Variants in ZNF536 observed in about 807,000 individuals in gnomAD.
ZNF536 encodes zinc finger protein 536.
In ZNF536, 13 loss-of-function variants were observed where a neutral mutation model predicts 84.5. That is an observed-to-expected ratio of 0.15 (90% CI 0.10 to 0.24). ZNF536 has a LOEUF of 0.24. Ranked by LOEUF, ZNF536 falls within the 10% of genes least tolerant of loss-of-function variation. The probability of loss-of-function intolerance (pLI) is 1.00; values close to 1 mark genes in which losing one functional copy is unlikely to be tolerated. For missense variants in ZNF536, 1,536 were observed against 1,747.5 expected, an observed-to-expected ratio of 0.88 and a Z score of 2.16; for synonymous variants, 811 against 742.5, an observed-to-expected ratio of 1.09 and a Z score of -1.50.
chr19:30,539,863 C>T (rs2045260110), intron 3 of ZNF536, among the ~76,000 whole-genome samples: 1 of 152,204 alleles, frequency 6.6e-6, no homozygotes, highest in Non-Finnish European at 1.5e-5. Context: ...TACCGAGGCT[C>T]TCCCATGTGT....
intron 1 of ZNF536, among the ~76,000 whole-genome samples, chr19:30,648,913 A>C (rs2049581058): frequency 6.6e-6 from 1 of 152,220 alleles, no homozygotes; most frequent in Non-Finnish European, 1.5e-5. Flanking sequence ...GCTGATGATA[A>C]ACGGGTGGGC....
chr19:30,560,522 AC>A (rs1336984256), downstream of ZNF536, among the ~76,000 whole-genome samples: 1 of 152,126 alleles, frequency 6.6e-6, no homozygotes, highest in Non-Finnish European at 1.5e-5. Flanking sequence ...CATTGGATCT[AC>A]CCTCAGCCTG....
At chr19:30,668,923 A>G (rs1448301632) in intron 1 of ZNF536, among the ~76,000 whole-genome samples, 1 of 152,200 alleles carries the variant, frequency 6.6e-6, no homozygotes, top group African/African-American at 2.4e-5. Flanking sequence ...CAGAAGAAGG[A>G]GCCAGAGGTT....
chr19:30,446,451 G>T (rs1258859201), intron 2 of ZNF536, among the ~76,000 whole-genome samples: 1 of 151,890 alleles, frequency 6.6e-6, no homozygotes, highest in African/African-American at 2.4e-5. Flanking sequence ...CTATCCCTGG[G>T]TATGAATGTG....
chr19:30,701,459 A>G (rs1464630149), intron 1 of ZNF536, among the ~76,000 whole-genome samples: 1 of 151,836 alleles, frequency 6.6e-6, no homozygotes, highest in Non-Finnish European at 1.5e-5. Flanking sequence ...AGAAACACAA[A>G]CACACAAACA....
intron 1 of ZNF536, among the ~76,000 whole-genome samples, chr19:30,248,048 C>T (rs2024379867): frequency 6.6e-6 from 1 of 152,106 alleles, no homozygotes; most frequent in African/African-American, 2.4e-5. Context: ...TGGCCCTGTT[C>T]ACAAAAGAGC....
rs149916390 is a variant in ZNF536 at position 30,242,987 on chromosome 19, A to G, written c.-190+14314A>G. On this transcript the variant is annotated intron_variant, in intron 1 of 5. Transcript: ENST00000585628. ...CCAAAGAGTCCTGCATACATATCGTATTTCACATCATCGTAACTTAGATGC... is the reference window on the plus strand; with the variant it reads ...CCAAAGAGTCCTGCATACATATCGTGTTTCACATCATCGTAACTTAGATGC... Among the ~76,000 whole-genome samples the G allele has an allele frequency of 2.8e-3, 423 of 152,288 alleles. 4 individuals carry two copies. The highest frequency in any genetic ancestry group is 9.6e-3 in the African/African-American group (399 of 41,550).
intron 1 of ZNF536, among the ~76,000 whole-genome samples, chr19:30,407,861 ATACAGATGGTT>A (rs2050326139): frequency 6.6e-6 from 1 of 152,184 alleles, no homozygotes; most frequent in South Asian, 2.1e-4. Context: ...GTGGGTGGAA[ATACAGATGGTT>A]TCCAATTTTC....
chr19:30,258,719 T>TTATC (rs141047350), intron 1 of ZNF536, among the ~76,000 whole-genome samples: 3 of 151,368 alleles, frequency 2.0e-5, no homozygotes, highest in Admixed American at 6.6e-5. Context: ...ATTTATTTAT[T>TTATC]TATTTATTTA....
At chr19:30,395,286 G>A (rs1248119364) in intron 1 of ZNF536, among the ~76,000 whole-genome samples, 1 of 152,178 alleles carries the variant, frequency 6.6e-6, no homozygotes, top group Non-Finnish European at 1.5e-5. Flanking sequence ...CCATAAAGGG[G>A]ATGTCCAATA....
At chr19:30,704,087 G>C (rs2052115032) in intron 1 of ZNF536, among the ~76,000 whole-genome samples, 1 of 152,182 alleles carries the variant, frequency 6.6e-6, no homozygotes, top group Non-Finnish European at 1.5e-5. Context: ...GGCCATCCTG[G>C]AGTGTGGTGC....
rs2045639867 is a variant in ZNF536 at position 30,548,426 on chromosome 19, T to G, written c.2807T>G (p.Met936Arg). The G allele has an allele frequency of 6.2e-7, 1 of 1,614,066 alleles. No homozygotes were observed. The highest frequency in any genetic ancestry group is 8.5e-7 in the Non-Finnish European group (1 of 1,180,032). The change falls in exon 4 of 5, where the codon ATG (methionine) becomes AGG (arginine). Residue 936 changes from methionine to arginine, a missense_variant. Met to Arg is a moderately conservative substitution (Grantham distance 91, BLOSUM62 -1). Around this residue, in one of 8 missense-constraint regions of ZNF536, gnomAD observed 624 missense variants for 603.1 expected, o/e 1.03. Transcript: ENST00000355537. ...VLSSLKKEKDMKDKALADPPS... is the reference protein window; with the variant it reads ...VLSSLKKEKDRKDKALADPPS... Reference sequence around the variant, plus strand: ...AGTTCCTTGAAGAAGGAGAAGGACATGAAGGACAAAGCCCTGGCTGACCCC... The same window carrying G: ...AGTTCCTTGAAGAAGGAGAAGGACAGGAAGGACAAAGCCCTGGCTGACCCC...
chr19:30,627,115 C>A (rs973388119), intron 1 of ZNF536, among the ~76,000 whole-genome samples: 1 of 152,108 alleles, frequency 6.6e-6, no homozygotes, highest in African/African-American at 2.4e-5. Context: ...CCTCTGCTAT[C>A]TGCCTCCCTG....
intron 1 of ZNF536, among the ~76,000 whole-genome samples, chr19:30,387,378 G>A (rs2049386419): frequency 6.6e-6 from 1 of 152,216 alleles, no homozygotes; most frequent in South Asian, 2.1e-4. Context: ...TGTGGGCTGG[G>A]CCCCAAAGAC....
intron 2 of ZNF536, among the ~76,000 whole-genome samples, chr19:30,494,287 C>T (rs1355365463): frequency 1.3e-5 from 2 of 152,190 alleles, no homozygotes; most frequent in African/African-American, 4.8e-5. Flanking sequence ...CAGCTAAGGT[C>T]AGTGTCCCGA....
intron 1 of ZNF536, among the ~76,000 whole-genome samples, chr19:30,376,034 G>A (rs147972144): frequency 2.5e-4 from 38 of 152,112 alleles, no homozygotes; most frequent in Non-Finnish European, 4.1e-4. Context: ...ATGAGTGTGC[G>A]CGGGTGCCCA....
chr19:30,585,549 A>G (rs560909605), intron 1 of ZNF536, among the ~76,000 whole-genome samples: 43 of 152,276 alleles, frequency 2.8e-4, no homozygotes, highest in Middle Eastern at 3.4e-3. Context: ...CTGGGCACTG[A>G]GAAAGTGGTT....
At chr19:30,226,763 G>T (rs573457153), upstream of ZNF536, among the ~76,000 whole-genome samples, 1 of 152,224 alleles carries the variant, frequency 6.6e-6, no homozygotes, top group African/African-American at 2.4e-5. This position sits in a 1 kb window ranked among gnomAD's most constrained non-coding sequence, Gnocchi z 4.6. Context: ...GAGCGAGGAA[G>T]TGCGGGCGTG....
At chr19:30,617,688 G>A (rs1228782525) in intron 1 of ZNF536, among the ~76,000 whole-genome samples, 1 of 151,966 alleles carries the variant, frequency 6.6e-6, no homozygotes, top group Non-Finnish European at 1.5e-5. Context: ...TCTCCCTCCT[G>A]TTATATCTTT....
Sources: allele counts gnomAD v4.1 joint callset (sites outside exome capture counted in the v4.1 genomes callset), GRCh38; gene constraint gnomAD v4.1.1; regional missense constraint gnomAD v4.1.1; non-coding constraint Gnocchi (gnomAD v3.1); transcripts MANE v1.5; gene names NCBI Gene and HGNC (gene_info 2026-07-23, HGNC 2026-07-21).